Variants in KALRN observed in about 807,000 individuals in gnomAD.
KALRN encodes the protein kalirin.
In KALRN, 70 loss-of-function variants were observed where a neutral mutation model predicts 353.7. That is an observed-to-expected ratio of 0.20 (90% CI 0.16 to 0.24). The LOEUF is 0.24. KALRN is among the 10% of genes least tolerant of loss of function. The pLI is 1.00. For synonymous variants in KALRN, 1,391 were observed against 1,434.8 expected (o/e 0.97, Z 0.69); for missense variants, 2,791 against 3,756.7 (o/e 0.74, Z 6.72).
intron 1 of KALRN, among the ~76,000 whole-genome samples, chr3:124,098,736 C>A (rs2149410209): frequency 6.6e-6 from 1 of 152,268 alleles, no homozygotes; most frequent in Admixed American, 6.5e-5. Flanking sequence ...CCATGATCTT[C>A]TTTTTTCTTT....
At chr3:124,578,633 G>A (rs950611545) in intron 34 of KALRN, among the ~76,000 whole-genome samples, 2 of 152,180 alleles carry the variant, frequency 1.3e-5, no homozygotes, top group African/African-American at 4.8e-5. Context: ...GCCGGGCTTG[G>A]TGACGCTTGC....
chr3:124,584,756 C>CA, intron 34 of KALRN: 1 of 1,537,638 alleles, frequency 6.5e-7, no homozygotes, highest in Non-Finnish European at 8.8e-7. Flanking sequence ...AAGTTTCCTT[C>CA]CCGCCGCGCT....
At chr3:124,091,368 A>G (rs554701449) in intron 1 of KALRN, among the ~76,000 whole-genome samples, 2 of 152,280 alleles carry the variant, frequency 1.3e-5, no homozygotes, top group South Asian at 4.1e-4. Flanking sequence ...GAGTTGGGCC[A>G]GTGCTGCTGA....
intron 11 of KALRN, 27 bp downstream of exon 11, chr3:124,385,063 A>G (rs767466025): frequency 1.1e-5 from 17 of 1,550,614 alleles, no homozygotes; most frequent in South Asian, 2.5e-5. Context: ...GAGAGAGGGC[A>G]TTCTGTCCTG....
At chr3:124,078,502 C>T (rs1478671955) in intron 1 of KALRN, among the ~76,000 whole-genome samples, 1 of 152,040 alleles carries the variant, frequency 6.6e-6, no homozygotes, top group Non-Finnish European at 1.5e-5. Flanking sequence ...GGTAGAGTGG[C>T]CATAATGCAT....
chr3:124,037,348 G>A (rs942872839), intron 1 of KALRN, among the ~76,000 whole-genome samples: 15 of 152,200 alleles, frequency 9.9e-5, no homozygotes, highest in Non-Finnish European at 2.2e-4. Flanking sequence ...ATGAAGAATG[G>A]GCAGTGGCAC....
At chr3:124,412,091 A>T (rs913596203) in intron 13 of KALRN, among the ~76,000 whole-genome samples, 2 of 152,236 alleles carry the variant, frequency 1.3e-5, no homozygotes, top group Non-Finnish European at 2.9e-5. Context: ...TTAGACAAAA[A>T]AAATGAAATC....
chr3:124,595,122 T>G (rs2076157662), intron 34 of KALRN, among the ~76,000 whole-genome samples: 1 of 152,064 alleles, frequency 6.6e-6, no homozygotes, highest in Admixed American at 6.6e-5. Context: ...GAAGATAAAA[T>G]TATATCACTT....
chr3:124,146,148 T>G (rs1034386521), intron 1 of KALRN, among the ~76,000 whole-genome samples: 6 of 152,164 alleles, frequency 3.9e-5, no homozygotes, highest in Admixed American at 3.3e-4. Flanking sequence ...AGCCCTCAGT[T>G]GTGTTTCACT....
intron 8 of KALRN, among the ~76,000 whole-genome samples, chr3:124,330,244 T>TCACACACACACACA (rs1278125602): frequency 1.0e-5 from 1 of 96,176 alleles, no homozygotes; most frequent in Non-Finnish European, 2.1e-5. Flanking sequence ...TCTCTCTCTC[T>TCACACACACACACA]CTCACACACA....
chr3:124,316,255 T>C, intron 6 of KALRN, among the ~76,000 whole-genome samples: 1 of 152,154 alleles, frequency 6.6e-6, no homozygotes, highest in African/African-American at 2.4e-5. Flanking sequence ...CTGTAGTAGC[T>C]CCTACCTGGT....
chr3:124,529,031 T>C (rs332415), intron 33 of KALRN, among the ~76,000 whole-genome samples: 83,068 of 151,938 alleles, frequency 0.55, 23,948 homozygotes, highest in African/African-American at 0.73. Flanking sequence ...TTTGAACTTA[T>C]ATGTACGTGT....
chr3:124,077,072 G>A (rs2060294187), intron 1 of KALRN, among the ~76,000 whole-genome samples: 1 of 152,236 alleles, frequency 6.6e-6, no homozygotes, highest in Non-Finnish European at 1.5e-5. Context: ...CAAGGTTACA[G>A]GGAGTCAGTG....
At chr3:124,642,806 G>GTTTTTTTTTTGTTGTTGGTTTTTTT (rs1553707031) in intron 37 of KALRN, among the ~76,000 whole-genome samples, 1 of 96,840 alleles carries the variant, frequency 1.0e-5, no homozygotes, top group African/African-American at 4.5e-5. Flanking sequence ...CCCAAGCCTC[G>GTTTTTTTTTTGTTGTTGGTTTTTTT]TTTTTTTTTT....
At chr3:124,349,276 CATGGAG>C (rs999823283) in intron 10 of KALRN, among the ~76,000 whole-genome samples, 1 of 152,082 alleles carries the variant, frequency 6.6e-6, no homozygotes, top group Non-Finnish European at 1.5e-5. Context: ...TAGTGAAATT[CATGGAG>C]ATGGAAAGTA....
At chr3:124,319,732 C>T (rs2079133341) in intron 6 of KALRN, among the ~76,000 whole-genome samples, 1 of 152,082 alleles carries the variant, frequency 6.6e-6, no homozygotes, top group South Asian at 2.1e-4. Flanking sequence ...GTGGCTCACA[C>T]CTGTAATCCC....
intron 3 of KALRN, among the ~76,000 whole-genome samples, chr3:124,260,523 T>G (rs1167779570): frequency 6.6e-6 from 1 of 152,096 alleles, no homozygotes; most frequent in Admixed American, 6.5e-5. Flanking sequence ...ATAATGGTGG[T>G]GTTACTTGCC....
chr3:124,150,385 T>C (rs2067931037), intron 1 of KALRN, among the ~76,000 whole-genome samples: 1 of 152,098 alleles, frequency 6.6e-6, no homozygotes. Flanking sequence ...AATGTTCAAG[T>C]TTTTTAAATT....
At chr3:124,102,204 A>C (rs1380173255) in intron 1 of KALRN, among the ~76,000 whole-genome samples, 1 of 152,182 alleles carries the variant, frequency 6.6e-6, no homozygotes, top group African/African-American at 2.4e-5. Flanking sequence ...TTTTGGCACA[A>C]GATCACTTTA....
Sources: allele counts gnomAD v4.1 joint callset (sites outside exome capture counted in the v4.1 genomes callset), GRCh38; gene constraint gnomAD v4.1.1; transcripts MANE v1.5; gene names NCBI Gene and HGNC (gene_info 2026-07-23, HGNC 2026-07-21).